The following INSR variants were observed in gnomAD, a reference collection of about 807,000 sequenced individuals.
The protein encoded by INSR is insulin receptor.
INSR carries 67 observed loss-of-function variants against 142.6 expected under a neutral mutation model. The ratio of observed to expected loss-of-function variants is 0.47; its 90% confidence interval spans 0.39 to 0.58. The LOEUF is 0.58. INSR is among the 20% of genes least tolerant of loss of function. INSR has a pLI of 0.00. For missense variants in INSR, 1,248 were observed against 1,833.2 expected (o/e 0.68, Z 5.83); for synonymous variants, 756 against 743.1 (o/e 1.02, Z -0.28).
rs1389785933 is a variant in INSR, at chr19:7,119,599, G to C, written c.3660-16C>G. The C allele has an allele frequency of 6.2e-7, 1 of 1,613,674 alleles. No individual in the cohort carries two copies. Among genetic ancestry groups the C allele is most frequent in the South Asian group, 1.1e-5 (1 of 91,074 alleles). Reference sequence around the variant, plus strand: ...GCCAAAGGACCTGCCGATGACAGTTGATAGTAGTAACAAAGAAGCCATTTA... The same window carrying C: ...GCCAAAGGACCTGCCGATGACAGTTCATAGTAGTAACAAAGAAGCCATTTA... On this transcript the variant is annotated splice_polypyrimidine_tract_variant and intron_variant, in intron 20 of 21. Transcript: ENST00000302850. This position sits in a 1 kb window ranked among gnomAD's most constrained non-coding sequence, Gnocchi z 5.2.
chr19:7,186,766 G>A (rs1051011342), intron 2 of INSR, among the ~76,000 whole-genome samples: 1 of 151,004 alleles, frequency 6.6e-6, no homozygotes, highest in Non-Finnish European at 1.5e-5. Context: ...GTGCAGTGGC[G>A]CGATCTCAGC....
At chr19:7,189,444 C>G (rs182488649) in intron 2 of INSR, among the ~76,000 whole-genome samples, 4 of 152,296 alleles carry the variant, frequency 2.6e-5, no homozygotes, top group Admixed American at 2.0e-4. Flanking sequence ...TCAACTTTTT[C>G]TGTAAAGGGC....
intron 3 of INSR, among the ~76,000 whole-genome samples, chr19:7,180,868 T>C (rs1376684799): frequency 6.6e-6 from 1 of 152,054 alleles, no homozygotes; most frequent in Non-Finnish European, 1.5e-5. Flanking sequence ...ATGAGGAGTT[T>C]GGATTCTGTC....
intron 2 of INSR, among the ~76,000 whole-genome samples, chr19:7,236,767 C>T (rs1976169686): frequency 6.6e-6 from 1 of 152,146 alleles, no homozygotes; most frequent in South Asian, 2.1e-4. Context: ...TGGCTCATGC[C>T]TGTAATCTCA....
intron 2 of INSR, among the ~76,000 whole-genome samples, chr19:7,255,830 C>T (rs1976872404): frequency 6.6e-6 from 1 of 151,956 alleles, no homozygotes; most frequent in African/African-American, 2.4e-5. Context: ...CCTCCTGCCT[C>T]GGCCTCCCAA....
intron 2 of INSR, among the ~76,000 whole-genome samples, chr19:7,203,238 T>C (rs1194486056): frequency 6.6e-6 from 1 of 152,168 alleles, no homozygotes; most frequent in Non-Finnish European, 1.5e-5. Context: ...ACAGTTTAAT[T>C]CTATTCTAGG....
chr19:7,247,222 C>T (rs1019254805), intron 2 of INSR, among the ~76,000 whole-genome samples: 10 of 152,170 alleles, frequency 6.6e-5, no homozygotes, highest in East Asian at 1.9e-4. Flanking sequence ...TTCTCTCCCA[C>T]GGCCCCTTCC....
At chr19:7,258,511 TG>T (rs1290036339) in intron 2 of INSR, among the ~76,000 whole-genome samples, 3 of 149,618 alleles carry the variant, frequency 2.0e-5, no homozygotes, top group African/African-American at 7.4e-5. Context: ...TGCTGATCAC[TG>T]GGCAAAGGCC....
chr19:7,199,408 G>A (rs1273598829), intron 2 of INSR, among the ~76,000 whole-genome samples: 1 of 151,382 alleles, frequency 6.6e-6, no homozygotes, highest in Non-Finnish European at 1.5e-5. Flanking sequence ...AAATTTGTTT[G>A]TTTGTTTGAA....
chr19:7,198,672 C>T (rs773713142), intron 2 of INSR, among the ~76,000 whole-genome samples: 18 of 152,156 alleles, frequency 1.2e-4, no homozygotes, highest in Admixed American at 6.5e-4. Flanking sequence ...CCGAACTCGC[C>T]GGGCCAGTGC....
At position 7,125,194 on chromosome 19, in the gene INSR, G is replaced by T; in HGVS notation, c.3258+89C>A. 2 of 1,526,116 alleles carry T rather than the reference G, an allele frequency of 1.3e-6. No individual in the cohort carries two copies. Among genetic ancestry groups the T allele is most frequent in the Non-Finnish European group, 1.8e-6 (2 of 1,108,570 alleles). 94.5% of individuals were successfully genotyped at this position (1,526,116 alleles called of 1,614,324 possible). ...AGGGGTGGGTAGGAGGTTACACCCT[G>T]TGTCCTCTGTCGCTCTGTGCAGGAG... On this transcript the variant is annotated intron_variant, in intron 17 of 21. Transcript: ENST00000302850. This position sits in a 1 kb window ranked among gnomAD's most constrained non-coding sequence, Gnocchi z 4.9.
chr19:7,186,920 G>T (rs1974447835), intron 2 of INSR, among the ~76,000 whole-genome samples: 1 of 151,304 alleles, frequency 6.6e-6, no homozygotes. Context: ...GGCCGGGCTG[G>T]TCTTGAACTC....
chr19:7,117,332 C>T lies in INSR; in HGVS notation c.3873G>A (p.Lys1291=). 1 of 1,614,088 alleles carries T rather than the reference C, an allele frequency of 6.2e-7. No homozygotes were observed. The highest frequency in any genetic ancestry group is 2.2e-5 in the East Asian group (1 of 44,868). ...CTGGAAAGCTGGGGTGCAGGTCGTC[C>T]TTGAGCAGGTTGACAATCTCCAGGA... The part of the protein sequence containing the change: ...PTFLEIVNLL[K]DDLHPSFPEV... The change falls in exon 22 of 22, where the codon AAG becomes AAA. Residue 1291 remains lysine, a synonymous_variant. Transcript: ENST00000302850.
chr19:7,226,879 C>T (rs900940867), intron 2 of INSR, among the ~76,000 whole-genome samples: 1 of 152,140 alleles, frequency 6.6e-6, no homozygotes, highest in Non-Finnish European at 1.5e-5. Flanking sequence ...TAATGCCCTC[C>T]TCCTCCTGCC....
chr19:7,148,747 G>A (rs1175702307), intron 11 of INSR, among the ~76,000 whole-genome samples: 1 of 145,452 alleles, frequency 6.9e-6, no homozygotes, highest in Non-Finnish European at 1.5e-5. Flanking sequence ...CAAAGTGTTG[G>A]GATTACAGGC....
intron 1 of INSR, among the ~76,000 whole-genome samples, chr19:7,287,129 C>T (rs1469656730): frequency 6.6e-6 from 1 of 150,606 alleles, no homozygotes; most frequent in African/African-American, 2.4e-5. Context: ...GGATTGCAGG[C>T]ATGAGCCACT....
intron 2 of INSR, 131 bp from the exon 3 acceptor site, chr19:7,184,768 C>G: frequency 1.7e-6 from 1 of 598,902 alleles, no homozygotes; most frequent in Non-Finnish European, 2.5e-6. Flanking sequence ...GAAAGCCAAC[C>G]AAACACTAAC....
chr19:7,132,443 C>T, intron 13 of INSR, 126 bp from the exon 14 acceptor site: 2 of 1,024,190 alleles, frequency 2.0e-6, no homozygotes, highest in Non-Finnish European at 1.5e-6. Flanking sequence ...AAAGCACAGA[C>T]TAAGACACAT....
intron 2 of INSR, among the ~76,000 whole-genome samples, chr19:7,195,589 C>T (rs2145023757): frequency 6.6e-6 from 1 of 152,054 alleles, no homozygotes; most frequent in East Asian, 1.9e-4. Flanking sequence ...TTGCAGTCAG[C>T]CAAGATCTCA....
Sources: allele counts gnomAD v4.1 joint callset (sites outside exome capture counted in the v4.1 genomes callset), GRCh38; gene constraint gnomAD v4.1.1; non-coding constraint Gnocchi (gnomAD v3.1); transcripts MANE v1.5; gene names NCBI Gene and HGNC (gene_info 2026-07-23, HGNC 2026-07-21).